SDK2: variants seen among roughly 807,000 people sequenced by gnomAD.
SDK2 encodes protein sidekick-2.
Under a neutral mutation model 253.9 loss-of-function variants are expected in SDK2, and 105 were observed. The observed-to-expected ratio is 0.41, with a 90% CI of 0.35 to 0.49. The LOEUF is 0.49. Among genes scored for constraint, SDK2 ranks in the 20% least tolerant of loss-of-function variants. The pLI, the probability that SDK2 is intolerant of heterozygous loss-of-function variation, is 0.06. For synonymous variants in SDK2, 1,249 were observed against 1,234.9 expected (o/e 1.01, Z -0.24); for missense variants, 2,608 against 3,003.0 (o/e 0.87, Z 3.07).
At chr17:73,391,328 T>C (rs1265786037) in intron 28 of SDK2, 112 bp downstream of exon 28, 2 of 473,660 alleles carry the variant, frequency 4.2e-6, no homozygotes, top group Non-Finnish European at 7.1e-6. Flanking sequence ...AGAGGGGATG[T>C]GGAGGCTCCC....
At chr17:73,601,328 G>A (rs759856332) in intron 1 of SDK2, among the ~76,000 whole-genome samples, 4 of 152,058 alleles carry the variant, frequency 2.6e-5, no homozygotes, top group Non-Finnish European at 5.9e-5. Flanking sequence ...CCTTACGAAT[G>A]ATCTAAGTTT....
chr17:73,524,558 C>T (rs934792195), intron 1 of SDK2, among the ~76,000 whole-genome samples: 2 of 152,216 alleles, frequency 1.3e-5, no homozygotes, highest in Admixed American at 1.3e-4. Context: ...AGTCACACAC[C>T]TACTGTGCCC....
At chr17:73,504,236 AAGTG>A in intron 2 of SDK2, 1 of 91,646 alleles carries the variant, frequency 1.1e-5, no homozygotes, top group Non-Finnish European at 2.2e-5. Context: ...GAGAGAGAGA[AAGTG>A]TGTGTGTGTG....
rs1386581953 is a variant in SDK2 at position 73,570,669 on chromosome 17, C to T, written c.65-63072G>A. Among the ~76,000 whole-genome samples the T allele has an allele frequency of 6.6e-6, 1 of 152,196 alleles. No individual in the cohort carries two copies. Among genetic ancestry groups the T allele is most frequent in the Non-Finnish European group, 1.5e-5 (1 of 68,032 alleles). On this transcript the variant is annotated intron_variant, in intron 1 of 44. Coordinates refer to ENST00000392650, the MANE Select transcript of SDK2 (RefSeq NM_001144952.2). This position sits in a 1 kb window ranked among gnomAD's most constrained non-coding sequence, Gnocchi z 4.2. ...AGGGCACTGCTTTAGCTCTGTTTTACAGATGGGAAGGCTGAGGCTCAGAGA... is the reference window on the plus strand; with the variant it reads ...AGGGCACTGCTTTAGCTCTGTTTTATAGATGGGAAGGCTGAGGCTCAGAGA...
rs2063365149 is a variant in SDK2, at chr17:73,435,978, T to C, written c.1001-334A>G. Among the ~76,000 whole-genome samples the C allele has an allele frequency of 6.6e-6, 1 of 152,162 alleles. No homozygotes were observed. Among genetic ancestry groups the C allele is most frequent in the Non-Finnish European group, 1.5e-5 (1 of 68,016 alleles). ...TAGGTTGCCCAGGGTGGTCTAGAAC[T>C]CTTGGTTTCAAGCGTTCCTCCCACC... On this transcript the variant is annotated intron_variant, in intron 8 of 44. Transcript: ENST00000392650. This position sits in a 1 kb window ranked among gnomAD's most constrained non-coding sequence, Gnocchi z 5.7.
chr17:73,462,119 G>T (rs72844158), intron 3 of SDK2, among the ~76,000 whole-genome samples: 167 of 152,122 alleles, frequency 1.1e-3, no homozygotes, highest in Non-Finnish European at 2.1e-3. Context: ...ATGCACGTTT[G>T]CATGCATGCA....
intron 1 of SDK2, among the ~76,000 whole-genome samples, chr17:73,588,570 C>T (rs1300923366): frequency 6.6e-6 from 1 of 152,008 alleles, no homozygotes; most frequent in African/African-American, 2.4e-5. Context: ...CTCATCAGGG[C>T]CAACTCAACT....
intron 1 of SDK2, among the ~76,000 whole-genome samples, chr17:73,514,277 G>T (rs2064005180): frequency 6.6e-6 from 1 of 152,114 alleles, no homozygotes; most frequent in Admixed American, 6.5e-5. Context: ...TCAGCCCGGG[G>T]CTTCCTTGTA....
chr17:73,472,090 C>T (rs760680058), intron 3 of SDK2, 22 bp downstream of exon 3: 2 of 1,532,404 alleles, frequency 1.3e-6, no homozygotes, highest in South Asian at 2.4e-5. Flanking sequence ...CCCCCCTGCC[C>T]CTGGGTCCCC....
chr17:73,470,022 A>G lies in SDK2; in HGVS notation c.331+2090T>C, dbSNP rs1044897938. Among the ~76,000 whole-genome samples, 3 of 151,700 alleles carry G rather than the reference A, an allele frequency of 2.0e-5. No individual in the cohort carries two copies. In the East Asian group the frequency reaches 5.8e-4, roughly 30 times the overall value. On this transcript the variant is annotated intron_variant, in intron 3 of 44. Coordinates refer to ENST00000392650, the MANE Select transcript of SDK2 (RefSeq NM_001144952.2). ...CACACACACACACACACACACACAC[A>G]CACACACACACAGAGGTTCTGGCCC... is the stretch of plus-strand genomic sequence containing the variant.
chr17:73,459,086 C>G (rs1042943091), intron 3 of SDK2, among the ~76,000 whole-genome samples: 3 of 152,142 alleles, frequency 2.0e-5, no homozygotes, highest in African/African-American at 7.2e-5. Context: ...TAAGCTCAAA[C>G]CCCTGGAGCC....
chr17:73,623,569 C>T (rs6501655), intron 1 of SDK2, among the ~76,000 whole-genome samples: 32,856 of 152,096 alleles, frequency 0.22, 3,956 homozygotes, highest in South Asian at 0.28. Context: ...GTACCCTAAC[C>T]GAGTTCAGTG....
intron 24 of SDK2, among the ~76,000 whole-genome samples, chr17:73,397,173 T>A (rs983850922): frequency 2.0e-5 from 3 of 152,216 alleles, no homozygotes; most frequent in African/African-American, 7.2e-5. Flanking sequence ...GGATTCTCTA[T>A]GGAGCTGTGG....
At chr17:73,623,981 G>C (rs957901287) in intron 1 of SDK2, among the ~76,000 whole-genome samples, 1 of 152,186 alleles carries the variant, frequency 6.6e-6, no homozygotes, top group Non-Finnish European at 1.5e-5. Context: ...CAGGGCCTCC[G>C]GGTTGTTTTT....
rs183106197 is a variant in SDK2 at position 73,455,071 on chromosome 17, C to T, written c.479+835G>A. Reference sequence around the variant, plus strand: ...CTTCCCCCAACTAGACTTAATGCTCCCCAAAGGCAGGAACCATCCATCTAC... The same window carrying T: ...CTTCCCCCAACTAGACTTAATGCTCTCCAAAGGCAGGAACCATCCATCTAC... On this transcript the variant is annotated intron_variant, in intron 4 of 44. Coordinates refer to ENST00000392650, the MANE Select transcript of SDK2 (RefSeq NM_001144952.2). The surrounding 1 kb of genome is among the most constrained non-coding windows in gnomAD (Gnocchi z 5.0). Among the ~76,000 whole-genome samples, 1 of 152,192 alleles carries T rather than the reference C, an allele frequency of 6.6e-6. No homozygotes were observed. Among genetic ancestry groups the T allele is most frequent in the Non-Finnish European group, 1.5e-5 (1 of 68,004 alleles).
chr17:73,377,693 A>G (rs1250184398), intron 36 of SDK2, among the ~76,000 whole-genome samples: 1 of 143,528 alleles, frequency 7.0e-6, no homozygotes, highest in Non-Finnish European at 1.5e-5. Context: ...GCTCACTGCA[A>G]CCTCCCTCTC....
intron 31 of SDK2, 115 bp downstream of exon 31, chr17:73,386,330 A>C: frequency 3.9e-6 from 3 of 776,710 alleles, no homozygotes; most frequent in Non-Finnish European, 6.5e-6. Context: ...TGAAGGGCCC[A>C]GTGGGTCCCA....
chr17:73,606,062 C>T (rs2045903409), intron 1 of SDK2, among the ~76,000 whole-genome samples: 1 of 152,210 alleles, frequency 6.6e-6, no homozygotes, highest in East Asian at 1.9e-4. Flanking sequence ...TGGGATCTCA[C>T]TAGCAGAGAT....
intron 16 of SDK2, among the ~76,000 whole-genome samples, 176 bp from the exon 17 acceptor site, chr17:73,416,168 T>A (rs777426872): frequency 2.6e-4 from 39 of 150,788 alleles, no homozygotes; most frequent in Non-Finnish European, 4.7e-4. Context: ...GCACTTGAAA[T>A]GTGGTTAGTG....
Sources: allele counts gnomAD v4.1 joint callset (sites outside exome capture counted in the v4.1 genomes callset), GRCh38; gene constraint gnomAD v4.1.1; non-coding constraint Gnocchi (gnomAD v3.1); transcripts MANE v1.5; gene names NCBI Gene and HGNC (gene_info 2026-07-23, HGNC 2026-07-21).